The following ULK4 variants were observed in gnomAD, a reference collection of about 807,000 sequenced individuals.
ULK4 encodes the protein unc-51 like kinase 4, also known as inactive serine/threonine-protein kinase ULK4.
A neutral mutation model predicts 160.6 loss-of-function variants in ULK4; 133 were observed. The ratio of observed to expected loss-of-function variants is 0.83; its 90% CI spans 0.72 to 0.96. ULK4 has a LOEUF of 0.96. ULK4 is among the 40% of genes least tolerant of loss of function. The pLI, the probability that ULK4 is intolerant of heterozygous loss-of-function variation, is 0.00. For synonymous variants in ULK4, 534 were observed against 539.8 expected, an observed-to-expected ratio of 0.99 and a Z score of 0.15; for missense variants, 1,580 against 1,499.5, an observed-to-expected ratio of 1.05 and a Z score of -0.89.
chr3:41,753,989 T>A (rs924917271), intron 22 of ULK4, among the ~76,000 whole-genome samples: 1 of 152,148 alleles, frequency 6.6e-6, no homozygotes, highest in Non-Finnish European at 1.5e-5. Flanking sequence ...AACCATCAGA[T>A]GTGGTGAGAC....
intron 21 of ULK4, among the ~76,000 whole-genome samples, chr3:41,757,927 G>A (rs979347962): frequency 7.9e-5 from 12 of 152,020 alleles, no homozygotes; most frequent in African/African-American, 2.2e-4. Flanking sequence ...ATGCCTGGCC[G>A]AAATGCTCTG....
At chr3:41,713,404 T>C (rs2037167917) in intron 25 of ULK4, among the ~76,000 whole-genome samples, 1 of 152,180 alleles carries the variant, frequency 6.6e-6, no homozygotes, top group African/African-American at 2.4e-5. Flanking sequence ...TCAATAATTC[T>C]CTCCCTTTGC....
intron 17 of ULK4, among the ~76,000 whole-genome samples, chr3:41,836,867 G>C (rs1271675504): frequency 6.6e-6 from 1 of 152,064 alleles, no homozygotes; most frequent in Non-Finnish European, 1.5e-5. Context: ...CAGAACACAG[G>C]TTAATCAAAT....
intron 27 of ULK4, among the ~76,000 whole-genome samples, chr3:41,698,881 A>G (rs2036583045): frequency 6.6e-6 from 1 of 152,140 alleles, no homozygotes; most frequent in African/African-American, 2.4e-5. Context: ...CTTTTTTGCA[A>G]GTGGAATCAT....
At chr3:41,858,914 A>C (rs2042435437) in intron 17 of ULK4, among the ~76,000 whole-genome samples, 1 of 152,194 alleles carries the variant, frequency 6.6e-6, no homozygotes, top group South Asian at 2.1e-4. Context: ...CTGTTGAGAC[A>C]GCTCTTCCCT....
intron 35 of ULK4, among the ~76,000 whole-genome samples, chr3:41,264,809 T>C (rs2079002088): frequency 6.6e-6 from 1 of 152,192 alleles, no homozygotes; most frequent in Non-Finnish European, 1.5e-5. Flanking sequence ...TTACGTGAAG[T>C]CTTCAGCCTC....
chr3:41,899,483 C>T (rs1045905094), intron 13 of ULK4, among the ~76,000 whole-genome samples: 1 of 152,180 alleles, frequency 6.6e-6, no homozygotes, highest in Non-Finnish European at 1.5e-5. Context: ...AAAAGAAACA[C>T]AGAATATTGT....
intron 35 of ULK4, among the ~76,000 whole-genome samples, chr3:41,377,123 GA>G (rs1409290859): frequency 6.6e-6 from 1 of 152,140 alleles, no homozygotes; most frequent in African/African-American, 2.4e-5. Context: ...AAGAAATTGG[GA>G]AAGGATTCCC....
At chr3:41,746,582 G>A (rs1319789215) in intron 22 of ULK4, among the ~76,000 whole-genome samples, 1 of 151,452 alleles carries the variant, frequency 6.6e-6, no homozygotes, top group Non-Finnish European at 1.5e-5. Context: ...CTGTATTGAT[G>A]TATTAGTTTA....
At chr3:41,829,804 T>C (rs564039605) in intron 18 of ULK4, among the ~76,000 whole-genome samples, 19,660 of 122,838 alleles carry the variant, frequency 0.16, 2,474 homozygotes, top group African/African-American at 0.33. Flanking sequence ...GGGTATATAG[T>C]CAAAGGACTA....
chr3:41,496,508 G>A (rs1204482159), intron 32 of ULK4, among the ~76,000 whole-genome samples: 1 of 151,968 alleles, frequency 6.6e-6, no homozygotes, highest in Non-Finnish European at 1.5e-5. Flanking sequence ...AGTAGAAGTG[G>A]GCAGTCTTAC....
intron 12 of ULK4, among the ~76,000 whole-genome samples, chr3:41,902,073 AAG>A (rs979274324): frequency 2.0e-5 from 3 of 152,198 alleles, no homozygotes; most frequent in South Asian, 2.1e-4. Flanking sequence ...GGAAAAAAAA[AAG>A]AGAGAGAGAA....
At chr3:41,507,843 C>T (rs1051094585) in intron 32 of ULK4, among the ~76,000 whole-genome samples, 11 of 152,158 alleles carry the variant, frequency 7.2e-5, no homozygotes, top group Admixed American at 2.6e-4. Context: ...TTGCAGCTCC[C>T]ACTAGAACAG....
intron 34 of ULK4, among the ~76,000 whole-genome samples, chr3:41,420,508 A>T (rs2082639992): frequency 4.7e-5 from 3 of 63,200 alleles, no homozygotes; most frequent in African/African-American, 2.2e-4. Context: ...TTTGAGATGG[A>T]GTCTCACTCT....
At chr3:41,715,195 T>C (rs766608212) in intron 25 of ULK4, 42 bp downstream of exon 25, 1 of 1,587,334 alleles carries the variant, frequency 6.3e-7, no homozygotes, top group Admixed American at 1.7e-5. Context: ...GTAGAGGAAG[T>C]CACAATTTTA....
rs1323242845 is a variant in ULK4 at position 41,552,933 on chromosome 3, C to G, written c.3226+13092G>C. 2.6e-5 allele frequency among the ~76,000 whole-genome samples: 4 copies of G among 151,950 alleles called. 1 individual carries two copies. Among genetic ancestry groups the G allele is most frequent in the Non-Finnish European group, 5.9e-5 (4 of 67,916 alleles). On this transcript the variant is annotated intron_variant, in intron 32 of 36. Transcript: ENST00000301831. ...TAGATCAATGGAGCAGAACTGAGAT[C>G]CCAGATATAAATTCATGTATTCACA... is the stretch of plus-strand genomic sequence containing the variant.
At chr3:41,566,265 A>C in intron 31 of ULK4, 135 bp from the exon 32 acceptor site, 1 of 703,674 alleles carries the variant, frequency 1.4e-6, no homozygotes, top group East Asian at 2.8e-5. Context: ...ACTTTAATGA[A>C]GCACATCCTT....
intron 35 of ULK4, among the ~76,000 whole-genome samples, chr3:41,389,278 C>T (rs967746984): frequency 1.8e-4 from 28 of 152,228 alleles, no homozygotes; most frequent in Admixed American, 7.2e-4. Flanking sequence ...TGGGCTGAGA[C>T]GATGAGGTTT....
intron 35 of ULK4, among the ~76,000 whole-genome samples, chr3:41,270,590 T>G (rs1445384563): frequency 6.6e-6 from 1 of 152,236 alleles, no homozygotes; most frequent in Admixed American, 6.5e-5. Flanking sequence ...TAGAGGCACA[T>G]CCTGTTAGTA....
Sources: gnomAD v4.1 joint callset for allele counts (sites outside exome capture counted in the v4.1 genomes callset) on GRCh38, gnomAD v4.1.1 for gene constraint, MANE v1.5 for transcripts, NCBI Gene and HGNC (gene_info 2026-07-23, HGNC 2026-07-21) for gene names.